ANTXR1: variants seen among roughly 807,000 people sequenced by gnomAD.
ANTXR1 encodes anthrax toxin receptor 1.
A neutral mutation model predicts 78.1 loss-of-function variants in ANTXR1; 19 were observed. That is an observed-to-expected ratio of 0.24 (90% CI 0.17 to 0.36). The LOEUF is 0.36. ANTXR1 is among the 10% of genes least tolerant of loss of function. The probability of loss-of-function intolerance (pLI) is 1.00; values close to 1 mark genes in which losing one functional copy is unlikely to be tolerated. For synonymous variants in ANTXR1, 273 were observed against 260.5 expected (o/e 1.05, Z -0.46); for missense variants, 518 against 718.6 (o/e 0.72, Z 3.19).
rs370376652 is a variant in ANTXR1, at chr2:69,073,030, A to G, written c.421A>G (p.Thr141Ala). Residue 141 changes from threonine (T) to alanine (A), a missense_variant, in exon 6 of 18, where the codon ACA becomes GCA. Thr to Ala is a moderately conservative substitution (Grantham distance 58). Around this residue, in one of 5 missense-constraint regions of ANTXR1, gnomAD observed 264 missense variants for 391.8 expected, o/e 0.67. Transcript: ENST00000303714. ...IYYENRQGYR[T>A]ASVIIALTDG... The stretch of plus-strand genomic sequence containing the variant: ...TGTATTGTGTTAAACAGGGTACAGG[A>G]CAGCCAGCGTCATCATTGCTTTGAC... 2.5e-6 allele frequency: 4 copies of G among 1,614,054 alleles called. No homozygotes were observed. The highest frequency in any genetic ancestry group is 3.4e-6 in the Non-Finnish European group (4 of 1,179,888).
intron 17 of ANTXR1, among the ~76,000 whole-genome samples, chr2:69,220,871 A>C (rs967292305): frequency 6.6e-6 from 1 of 152,212 alleles, no homozygotes; most frequent in African/African-American, 2.4e-5. Flanking sequence ...AATGGTCTTG[A>C]AACTCTTAAA....
chr2:69,041,856 T>G (rs1323428624), intron 2 of ANTXR1, among the ~76,000 whole-genome samples: 2 of 152,170 alleles, frequency 1.3e-5, no homozygotes, highest in Non-Finnish European at 2.9e-5. Context: ...CAAGGCACCC[T>G]TCTCTGGTTG....
rs767288834 is a variant in ANTXR1, at chr2:69,072,988, G to A, written c.413-34G>A. On this transcript the variant is annotated intron_variant, in intron 5 of 17. Coordinates refer to ENST00000303714, the MANE Select transcript of ANTXR1 (RefSeq NM_032208.3). ...GAGGGTGTTTCCTTGGGTGGAGCAG[G>A]GTGGACTGAGCCAGTCTGTATTGTG... 4 of 1,604,422 alleles carry A rather than the reference G, an allele frequency of 2.5e-6. No individual in the cohort carries two copies. In the Admixed American group the frequency reaches 5.0e-5, roughly 20 times the overall value.
rs188751016 is a variant in ANTXR1 at position 69,193,090 on chromosome 2, G to T, written c.1354-245G>T. On this transcript the variant is annotated intron_variant, in intron 16 of 17. Coordinates refer to ENST00000303714, the MANE Select transcript of ANTXR1 (RefSeq NM_032208.3). Reference sequence around the variant, plus strand: ...CAAGTTATGTTTGCAAACTTGGGGGGCACTCAAACCTCAGGGTGCGTCCTT... The same window carrying T: ...CAAGTTATGTTTGCAAACTTGGGGGTCACTCAAACCTCAGGGTGCGTCCTT... Among the ~76,000 whole-genome samples, 3 of 152,224 alleles carry T rather than the reference G, an allele frequency of 2.0e-5. No homozygotes were observed. In the East Asian group the frequency reaches 5.8e-4, roughly 29 times the overall value.
intron 13 of ANTXR1, among the ~76,000 whole-genome samples, chr2:69,161,995 T>C (rs575300806): frequency 6.6e-6 from 1 of 150,670 alleles, no homozygotes; most frequent in Non-Finnish European, 1.5e-5. Flanking sequence ...AGCTAACCTC[T>C]GAGCGTGCAG....
intron 10 of ANTXR1, among the ~76,000 whole-genome samples, chr2:69,110,907 T>C (rs1021496965): frequency 6.6e-6 from 1 of 152,198 alleles, no homozygotes; most frequent in Non-Finnish European, 1.5e-5. Flanking sequence ...TTTTGTTTTT[T>C]AAACACACAT....
At chr2:69,104,253 G>T (rs972909578) in intron 10 of ANTXR1, among the ~76,000 whole-genome samples, 1 of 152,114 alleles carries the variant, frequency 6.6e-6, no homozygotes, top group Non-Finnish European at 1.5e-5. Flanking sequence ...ATAGCCTTTT[G>T]AAGGAGGTTA....
chr2:69,140,264 C>T (rs1673033419), intron 12 of ANTXR1, among the ~76,000 whole-genome samples: 1 of 152,136 alleles, frequency 6.6e-6, no homozygotes, highest in Admixed American at 6.5e-5. Context: ...TTATCTCAGT[C>T]CTTCTGGTAT....
chr2:69,089,496 G>C (rs532899524), intron 8 of ANTXR1, among the ~76,000 whole-genome samples: 7 of 152,262 alleles, frequency 4.6e-5, no homozygotes, highest in Admixed American at 1.3e-4. Context: ...GTCCACTCTA[G>C]CAAGGAAATA....
chr2:69,207,768 G>A (rs749759191), intron 17 of ANTXR1, among the ~76,000 whole-genome samples: 34 of 152,208 alleles, frequency 2.2e-4, no homozygotes, highest in Non-Finnish European at 4.4e-4. Context: ...CACATTCAGC[G>A]GTTCCCAAGC....
chr2:69,117,289 T>C (rs1028047416), intron 10 of ANTXR1, among the ~76,000 whole-genome samples: 1 of 152,148 alleles, frequency 6.6e-6, no homozygotes, highest in Admixed American at 6.5e-5. Context: ...TCAACAAAAC[T>C]TGGGTTTGAA....
chr2:69,169,820 C>T (rs946666024), intron 13 of ANTXR1, among the ~76,000 whole-genome samples: 4 of 152,234 alleles, frequency 2.6e-5, no homozygotes, highest in African/African-American at 7.2e-5. Context: ...CCACGCTTGA[C>T]ACATCCCTAA....
At chr2:69,177,574 T>G (rs1471505608) in intron 14 of ANTXR1, among the ~76,000 whole-genome samples, 1 of 152,104 alleles carries the variant, frequency 6.6e-6, no homozygotes, top group Non-Finnish European at 1.5e-5. Context: ...CCTTTCAGAT[T>G]TAAACACAAC....
intron 1 of ANTXR1, among the ~76,000 whole-genome samples, chr2:69,033,167 G>A (rs2104038423): frequency 6.6e-6 from 1 of 152,352 alleles, no homozygotes; most frequent in East Asian, 1.9e-4. Context: ...GACAGGAGCA[G>A]AGCGGGCAGC....
chr2:69,062,161 G>C (rs990481259), intron 3 of ANTXR1, among the ~76,000 whole-genome samples: 20 of 152,180 alleles, frequency 1.3e-4, no homozygotes, highest in African/African-American at 4.3e-4. Flanking sequence ...ATAAGGAAAA[G>C]TCAGCTGAGT....
chr2:69,151,630 G>A (rs1008522596), intron 12 of ANTXR1, among the ~76,000 whole-genome samples: 6 of 152,096 alleles, frequency 3.9e-5, no homozygotes, highest in African/African-American at 9.7e-5. Context: ...TTCAGCAGCC[G>A]TTGCTCTGCC....
At chr2:69,192,920 TTCCA>T (rs564129183) in intron 16 of ANTXR1, among the ~76,000 whole-genome samples, 4,678 of 152,252 alleles carry the variant, frequency 0.031, 238 homozygotes, top group African/African-American at 0.11. Context: ...TTTAGTAATT[TTCCA>T]GAATTTATCA....
intron 10 of ANTXR1, among the ~76,000 whole-genome samples, chr2:69,110,709 A>G (rs1671951675): frequency 6.6e-6 from 1 of 152,096 alleles, no homozygotes; most frequent in African/African-American, 2.4e-5. Context: ...AAATAGAAAA[A>G]AATTCAGCCA....
At chr2:69,237,860 ATG>A (rs926389362) in intron 17 of ANTXR1, among the ~76,000 whole-genome samples, 2 of 152,166 alleles carry the variant, frequency 1.3e-5, no homozygotes, top group Admixed American at 1.3e-4. Flanking sequence ...ATTTATATAT[ATG>A]TGTGTGTGTG....
Sources: gnomAD v4.1 joint callset for allele counts (sites outside exome capture counted in the v4.1 genomes callset) on GRCh38, gnomAD v4.1.1 for gene constraint, gnomAD v4.1.1 regional missense constraint, MANE v1.5 for transcripts, NCBI Gene and HGNC (gene_info 2026-07-23, HGNC 2026-07-21) for gene names.